Variants in SALL4 observed in about 807,000 individuals in gnomAD.
SALL4 encodes the protein sal-like protein 4.
A neutral mutation model predicts 60.8 loss-of-function variants in SALL4; 4 were observed. The ratio of observed to expected loss-of-function variants is 0.07; its 90% CI spans 0.03 to 0.15. SALL4 has a LOEUF of 0.15. SALL4 is among the 10% of genes least tolerant of loss of function. The pLI, the probability that SALL4 is intolerant of heterozygous loss-of-function variation, is 1.00. For missense variants in SALL4, 1,178 were observed against 1,394.7 expected, an observed-to-expected ratio of 0.84 and a Z score of 2.48; for synonymous variants, 580 against 574.9, an observed-to-expected ratio of 1.01 and a Z score of -0.13.
chr20:51,790,258 T>C lies in SALL4; in HGVS notation c.2225A>G (p.Asn742Ser). The C allele has an allele frequency of 6.2e-7, 1 of 1,614,014 alleles. No individual in the cohort carries two copies. Among genetic ancestry groups the C allele is most frequent in the Non-Finnish European group, 8.5e-7 (1 of 1,180,020 alleles). Residue 742 changes from asparagine to serine, a missense_variant, in exon 2 of 4, where the codon AAC (asparagine) becomes AGC (serine). Around this residue, in one of 5 missense-constraint regions of SALL4, gnomAD observed 853 missense variants for 1,036.8 expected, o/e 0.82. Coordinates refer to ENST00000217086, the MANE Select transcript of SALL4 (RefSeq NM_020436.5). This position sits in a 1 kb window ranked among gnomAD's most constrained non-coding sequence, Gnocchi z 5.5. ...TTCTCTGCTGCCCTGGCGCTGCAGG[T>C]TAAAAGGGGCAGGACCCACTTTCCC... ...APGKVGPAPFNLQRQGSRENG... is the reference protein window; with the variant it reads ...APGKVGPAPFSLQRQGSRENG...
Position 51,791,751 on chromosome 20 carries a change from G to C in SALL4, c.732C>G (p.Ser244=). The change falls in exon 2 of 4, where the codon TCC becomes TCG. Residue 244 remains serine (S), a synonymous_variant. Transcript: ENST00000217086. The surrounding 1 kb of genome is among the most constrained non-coding windows in gnomAD (Gnocchi z 4.6). ...QIRIQVNMWA[S]HALHSSGAGA... The stretch of plus-strand genomic sequence containing the variant: ...CTGCCCCGCTTGAGTGGAGGGCGTG[G>C]GAGGCCCACATGTTCACCTGGATGC... The C allele has an allele frequency of 6.2e-7, 1 of 1,614,118 alleles. No homozygotes were observed. The highest frequency in any genetic ancestry group is 8.5e-7 in the Non-Finnish European group (1 of 1,180,046).
intron 2 of SALL4, among the ~76,000 whole-genome samples, chr20:51,789,499 C>T (rs1378309294): frequency 6.6e-6 from 1 of 152,122 alleles, no homozygotes; most frequent in Non-Finnish European, 1.5e-5. Context: ...CCATTAATGA[C>T]ATCAACAAAC....
In SALL4 at chr20:51,789,145, G is replaced by C; in HGVS notation, c.2462-4C>G. On this transcript the variant is annotated splice_polypyrimidine_tract_variant and splice_region_variant and intron_variant, in intron 2 of 3. Coordinates refer to ENST00000217086, the MANE Select transcript of SALL4 (RefSeq NM_020436.5). ...GTGGAAGGGAGACTGCTCCGACCTA[G>C]TACACAGAGGGGAAAAAAGCCAGAC... The C allele has an allele frequency of 6.2e-7, 1 of 1,613,464 alleles. No individual in the cohort carries two copies. The highest frequency in any genetic ancestry group is 8.5e-7 in the Non-Finnish European group (1 of 1,179,474).
intron 1 of SALL4, among the ~76,000 whole-genome samples, chr20:51,796,258 G>T (rs1366385321): frequency 7.2e-6 from 1 of 138,114 alleles, no homozygotes; most frequent in African/African-American, 2.7e-5. Context: ...CCTCAATAAA[G>T]CCCATGCAAA....
rs1568866688 is a variant in SALL4, at chr20:51,792,712, C to CAA, written c.131-362_131-361dup. The CAA allele has an allele frequency of 2.8e-3, 1,432 of 518,958 alleles. 53 individuals carry two copies. The African/African-American group carries it at 0.037, about 13-fold the overall frequency. 32.1% of individuals were successfully genotyped at this position (518,958 alleles called of 1,614,324 possible). ...TCAAAAAAAAAAAAAAAAAAAAAGG[C>CAA]AAAAAGGCTGATCCCTGAATTTCTT... On this transcript the variant is annotated intron_variant, in intron 1 of 3. Coordinates refer to ENST00000217086, the MANE Select transcript of SALL4 (RefSeq NM_020436.5).
At position 51,790,037 on chromosome 20, in the gene SALL4, G is replaced by A. The variant is rs769138405; in HGVS notation, c.2446C>T (p.Arg816Cys). The change falls in exon 2 of 4, where the codon CGC (arginine) becomes TGC (cysteine). Residue 816 changes from arginine to cysteine, a missense_variant. Around this residue, in one of 5 missense-constraint regions of SALL4, gnomAD observed 853 missense variants for 1,036.8 expected, o/e 0.82. Transcript: ENST00000217086. This position sits in a 1 kb window ranked among gnomAD's most constrained non-coding sequence, Gnocchi z 5.5. ...GCTCTATCACCTTCCATCTCAGTGC[G>A]GCTGTTCTCGGAGCTCTCTGCTTTG... ...GSKAESSENS[R>C]TEMEGRSSLP... 16 of 1,614,026 alleles carry A rather than the reference G, an allele frequency of 9.9e-6. No homozygotes were observed. The highest frequency in any genetic ancestry group is 1.4e-5 in the Non-Finnish European group (16 of 1,180,044).
Position 51,789,099 on chromosome 20 carries a change from G to A in SALL4, c.2504C>T (p.Thr835Ile). 6.2e-7 allele frequency: 1 copy of A among 1,614,214 alleles called. No individual in the cohort carries two copies. Among genetic ancestry groups the A allele is most frequent in the African/African-American group, 1.3e-5 (1 of 75,068 alleles). The change falls in exon 3 of 4, where the codon ACC (threonine) becomes ATC (isoleucine). Residue 835 changes from threonine to isoleucine, a missense_variant. By Grantham distance (89) the Thr-to-Ile change is moderately conservative. Transcript: ENST00000217086. ...LPSTFIRAPP[T>I]YVKVEVPGTF... ...GCCAGGAACTTCAACCTTGACATAGGTCGGCGGGGCTCGGATAAACGTGGA... is the reference window on the plus strand; with the variant it reads ...GCCAGGAACTTCAACCTTGACATAGATCGGCGGGGCTCGGATAAACGTGGA...
intron 3 of SALL4, among the ~76,000 whole-genome samples, chr20:51,787,383 C>T (rs184299070): frequency 1.3e-5 from 2 of 152,170 alleles, no homozygotes; most frequent in African/African-American, 4.8e-5. Flanking sequence ...GAGATTGCAC[C>T]GTTGCACTCC....
At position 51,788,748 on chromosome 20, in the gene SALL4, C is replaced by T; in HGVS notation, c.2742+113G>A. 1.5e-6 allele frequency: 2 copies of T among 1,305,922 alleles called. No homozygotes were observed. Among genetic ancestry groups the T allele is most frequent in the Non-Finnish European group, 1.1e-6 (1 of 913,338 alleles). The allele number at this position is 1,305,922 out of a possible 1,614,324, so 80.9% of individuals were successfully genotyped here. On this transcript the variant is annotated intron_variant, in intron 3 of 3. Coordinates refer to ENST00000217086, the MANE Select transcript of SALL4 (RefSeq NM_020436.5). The surrounding 1 kb of genome is among the most constrained non-coding windows in gnomAD (Gnocchi z 4.1). ...CTCCTGGACTCAAGCAATCCTCCCA[C>T]CTCGGCCTCCCAAAGGAGGAATGGA...
In SALL4 at chr20:51,784,909, T is replaced by C. The variant is rs139952427; in HGVS notation, c.2743-225A>G. Among the ~76,000 whole-genome samples, 37 of 152,324 alleles carry C rather than the reference T, an allele frequency of 2.4e-4. No homozygotes were observed. In the East Asian group the frequency reaches 6.9e-3, roughly 29 times the overall value. On this transcript the variant is annotated intron_variant, in intron 3 of 3. Coordinates refer to ENST00000217086, the MANE Select transcript of SALL4 (RefSeq NM_020436.5). ...TAACTAGCCAAACATCATAGCTCAG[T>C]TTAGCCTACCTCAAACACACTCAGA...
In SALL4 at chr20:51,788,050, C is replaced by T. The variant is rs146455310; in HGVS notation, c.2742+811G>A. 0.016 allele frequency among the ~76,000 whole-genome samples: 2,454 copies of T among 152,196 alleles called. 82 individuals are homozygous for T. The highest frequency in any genetic ancestry group is 0.056 in the African/African-American group (2,344 of 41,518). ...TGTTACCCAGGCTGGTCTCAAACTC[C>T]TGGGCTCAAGCAATCCACCTGCCTT... On this transcript the variant is annotated intron_variant, in intron 3 of 3. Coordinates refer to ENST00000217086, the MANE Select transcript of SALL4 (RefSeq NM_020436.5). The surrounding 1 kb of genome is among the most constrained non-coding windows in gnomAD (Gnocchi z 4.1).
At position 51,783,437 on chromosome 20, in the gene SALL4, CAAT is replaced by C. The variant is rs1304074320; in HGVS notation, c.*825_*827del. On this transcript the variant is annotated 3_prime_UTR_variant, in exon 4 of 4. Transcript: ENST00000217086. ...TTTTTTAAGTACATTCAAAAAAAAA[CAAT>C]AAGATGGGGACAGGGTTGGGGCATA... The C allele has an allele frequency of 6.7e-6, 1 of 150,250 alleles. No individual in the cohort carries two copies. Among genetic ancestry groups the C allele is most frequent in the Non-Finnish European group, 1.5e-5 (1 of 67,760 alleles). The allele number at this position is 150,250 out of a possible 1,614,324, so 9.3% of individuals were successfully genotyped here.
At chr20:51,800,165 C>T (rs928651996) in intron 1 of SALL4, among the ~76,000 whole-genome samples, 1 of 152,112 alleles carries the variant, frequency 6.6e-6, no homozygotes, top group African/African-American at 2.4e-5. Context: ...CGGGCACAGA[C>T]GACGATCAAG....
rs1337876894 is a variant in SALL4, at chr20:51,790,975, A to C, written c.1508T>G (p.Leu503Trp). The stretch of plus-strand genomic sequence containing the variant: ...AGGCCCAGGCTGCAGGTCACCGGGC[A>C]AGGAGCCACCCGTGAGGTCCTTGGG... The part of the protein sequence containing the change: ...TNPKDLTGGS[L>W]PGDLQPGPSP... Residue 503 changes from leucine to tryptophan, a missense_variant, in exon 2 of 4, where the codon TTG becomes TGG. Leu to Trp is a moderately conservative substitution (Grantham distance 61, BLOSUM62 -2). Coordinates refer to ENST00000217086, the MANE Select transcript of SALL4 (RefSeq NM_020436.5). The surrounding 1 kb of genome is among the most constrained non-coding windows in gnomAD (Gnocchi z 5.5). 12 of 1,614,168 alleles carry C rather than the reference A, an allele frequency of 7.4e-6. No homozygotes were observed. Among genetic ancestry groups the C allele is most frequent in the Non-Finnish European group, 9.3e-6 (11 of 1,180,018 alleles).
In SALL4 at chr20:51,802,402, T is replaced by G. The variant is rs1568871229; in HGVS notation, c.7A>C (p.Arg3=). 6.2e-7 allele frequency: 1 copy of G among 1,612,358 alleles called. No individual in the cohort carries two copies. The highest frequency in any genetic ancestry group is 2.2e-5 in the East Asian group (1 of 44,852). The part of the protein sequence containing the change: MS[R]RKQAKPQHIN... ...TGCTGGGGTTTCGCCTGCTTGCGCC[T>G]CGACATGGTGCGAGCATCGGGGCGC... Residue 3 remains arginine, a synonymous_variant, in exon 1 of 4, where the codon AGG becomes CGG. Transcript: ENST00000217086.
chr20:51,799,614 G>A (rs1026519954), intron 1 of SALL4, among the ~76,000 whole-genome samples: 3 of 152,216 alleles, frequency 2.0e-5, no homozygotes, highest in African/African-American at 7.2e-5. Flanking sequence ...AACGTAGAAA[G>A]TTGACCTGAA....
chr20:51,788,665 T>A lies in SALL4; in HGVS notation c.2742+196A>T, dbSNP rs1456277000. Among the ~76,000 whole-genome samples, 1 of 152,034 alleles carries A rather than the reference T, an allele frequency of 6.6e-6. No individual in the cohort carries two copies. Among genetic ancestry groups the A allele is most frequent in the Non-Finnish European group, 1.5e-5 (1 of 68,024 alleles). ...TGAGCTTGAGATGGCGCCACTGCACTCCAGTCTGGGCGACAGAGTGAGACT... is the reference window on the plus strand; with the variant it reads ...TGAGCTTGAGATGGCGCCACTGCACACCAGTCTGGGCGACAGAGTGAGACT... On this transcript the variant is annotated intron_variant, in intron 3 of 3. Coordinates refer to ENST00000217086, the MANE Select transcript of SALL4 (RefSeq NM_020436.5). This position sits in a 1 kb window ranked among gnomAD's most constrained non-coding sequence, Gnocchi z 4.1.
Position 51,790,888 on chromosome 20 carries a change from C to G in SALL4, c.1595G>C (p.Arg532Thr). The change falls in exon 2 of 4, where the codon AGG (arginine) becomes ACG (threonine). Residue 532 changes from arginine to threonine, a missense_variant. This residue lies in a region of SALL4 where 853 missense variants were observed against 1,036.8 expected (regional missense o/e 0.82). Transcript: ENST00000217086. The surrounding 1 kb of genome is among the most constrained non-coding windows in gnomAD (Gnocchi z 5.5). Reference sequence around the variant, plus strand: ...CCCACTCCCTTGGAAGCCACCAGCCCTTGGGGAATTATAGTTTGGTCCCAC... The same window carrying G: ...CCCACTCCCTTGGAAGCCACCAGCCGTTGGGGAATTATAGTTTGGTCCCAC... ...PGVGPNYNSPRAGGFQGSGTP... is the reference protein window; with the variant it reads ...PGVGPNYNSPTAGGFQGSGTP... 1 of 1,614,088 alleles carries G rather than the reference C, an allele frequency of 6.2e-7. No individual in the cohort carries two copies. Among genetic ancestry groups the G allele is most frequent in the Non-Finnish European group, 8.5e-7 (1 of 1,180,034 alleles).
intron 1 of SALL4, chr20:51,797,495 C>T (rs2078085653): frequency 6.6e-6 from 1 of 152,166 alleles, no homozygotes; most frequent in African/African-American, 2.4e-5. Context: ...CCACTTGACT[C>T]TTAAAACAGC....
Sources: allele counts gnomAD v4.1 joint callset (sites outside exome capture counted in the v4.1 genomes callset), GRCh38; gene constraint gnomAD v4.1.1; regional missense constraint gnomAD v4.1.1; non-coding constraint Gnocchi (gnomAD v3.1); transcripts MANE v1.5; gene names NCBI Gene and HGNC (gene_info 2026-07-23, HGNC 2026-07-21).